The following KLHL1 variants were observed in gnomAD, a reference collection of about 807,000 sequenced individuals.
KLHL1 encodes kelch like family member 1, also known as kelch-like protein 1.
In KLHL1, 47 loss-of-function variants were observed where a neutral mutation model predicts 77.7. The observed-to-expected ratio is 0.60, with a 90% CI of 0.48 to 0.77. The LOEUF is 0.77. Ranked by LOEUF, KLHL1 falls within the 30% of genes least tolerant of loss-of-function variation. The probability of loss-of-function intolerance (pLI) is 0.00; values close to 1 mark genes in which losing one functional copy is unlikely to be tolerated. For synonymous variants in KLHL1, 360 were observed against 325.2 expected (o/e 1.11, Z -1.15); for missense variants, 925 against 910.8 (o/e 1.02, Z -0.20).
chr13:69,789,323 TAATA>T (rs1239326911), intron 7 of KLHL1, among the ~76,000 whole-genome samples: 2 of 149,278 alleles, frequency 1.3e-5, no homozygotes, highest in Non-Finnish European at 3.0e-5. Flanking sequence ...AAGTCTTATT[TAATA>T]AATTAAAAAT....
chr13:69,724,647 G>A (rs922958018), intron 8 of KLHL1, among the ~76,000 whole-genome samples: 1 of 151,950 alleles, frequency 6.6e-6, no homozygotes, highest in South Asian at 2.1e-4. Flanking sequence ...CATAAACCAT[G>A]ACCAAATAGA....
intron 5 of KLHL1, among the ~76,000 whole-genome samples, chr13:69,848,437 T>C (rs1417189428): frequency 6.6e-6 from 1 of 151,546 alleles, no homozygotes; most frequent in Non-Finnish European, 1.5e-5. Flanking sequence ...TTAAAGTCCC[T>C]TTTAGCTTCA....
intron 1 of KLHL1, among the ~76,000 whole-genome samples, chr13:70,056,721 C>T (rs1484233687): frequency 6.6e-6 from 1 of 151,890 alleles, no homozygotes; most frequent in Non-Finnish European, 1.5e-5. Context: ...TCCTGAATGA[C>T]CAATGGGTTA....
At chr13:69,976,002 T>A (rs1180619776) in intron 1 of KLHL1, among the ~76,000 whole-genome samples, 200 bp from the exon 2 acceptor site, 2 of 152,112 alleles carry the variant, frequency 1.3e-5, no homozygotes, top group Non-Finnish European at 2.9e-5. Flanking sequence ...CTCTAGGGAA[T>A]AATAAATAAA....
intron 5 of KLHL1, among the ~76,000 whole-genome samples, chr13:69,873,945 G>A (rs1460872013): frequency 6.6e-6 from 1 of 151,988 alleles, no homozygotes; most frequent in Non-Finnish European, 1.5e-5. Flanking sequence ...GAATATAGTA[G>A]GTGAAAATTC....
chr13:69,820,069 C>G (rs1285483204), intron 6 of KLHL1, among the ~76,000 whole-genome samples: 1 of 152,152 alleles, frequency 6.6e-6, no homozygotes. Context: ...AAGAGGGCTG[C>G]TCCTTCATGG....
At chr13:69,737,242 C>T (rs1873801272) in intron 8 of KLHL1, among the ~76,000 whole-genome samples, 1 of 152,246 alleles carries the variant, frequency 6.6e-6, no homozygotes, top group Non-Finnish European at 1.5e-5. Flanking sequence ...AAGCACAAAG[C>T]TGTGCAGACT....
intron 1 of KLHL1, among the ~76,000 whole-genome samples, chr13:70,033,321 T>A (rs61964236): frequency 3.3e-5 from 5 of 151,614 alleles, no homozygotes; most frequent in Non-Finnish European, 7.4e-5. Flanking sequence ...ACAGAGTCTC[T>A]CTCTGTCGCC....
chr13:69,708,764 A>G (rs929776545), intron 9 of KLHL1, among the ~76,000 whole-genome samples: 1 of 152,012 alleles, frequency 6.6e-6, no homozygotes, highest in Non-Finnish European at 1.5e-5. Flanking sequence ...CCACAATTGC[A>G]GGTTCAGATA....
intron 5 of KLHL1, among the ~76,000 whole-genome samples, chr13:69,842,133 A>T (rs1879286392): frequency 6.6e-6 from 1 of 151,888 alleles, no homozygotes; most frequent in Non-Finnish European, 1.5e-5. Context: ...AGAGTGGTCT[A>T]AGCAAAGGAT....
At chr13:69,774,797 T>C (rs1875747471) in intron 7 of KLHL1, among the ~76,000 whole-genome samples, 1 of 152,202 alleles carries the variant, frequency 6.6e-6, no homozygotes, top group Non-Finnish European at 1.5e-5. Flanking sequence ...ATCATTGAAC[T>C]GACTACCTAT....
At chr13:69,870,682 C>T (rs374584217) in intron 5 of KLHL1, among the ~76,000 whole-genome samples, 37 of 151,914 alleles carry the variant, frequency 2.4e-4, no homozygotes, top group South Asian at 2.1e-3. Context: ...ATGCAAGCAT[C>T]GGGTAAACAT....
chr13:69,724,639 T>C (rs975942562), intron 8 of KLHL1, among the ~76,000 whole-genome samples: 1 of 151,930 alleles, frequency 6.6e-6, no homozygotes, highest in African/African-American at 2.4e-5. Flanking sequence ...CAAGAGTACA[T>C]AAACCATGAC....
chr13:70,103,328 G>C (rs2137457274), intron 1 of KLHL1, among the ~76,000 whole-genome samples: 1 of 152,290 alleles, frequency 6.6e-6, no homozygotes, highest in African/African-American at 2.4e-5. Context: ...ACAAAGGACA[G>C]AGCATTCAGA....
intron 4 of KLHL1, among the ~76,000 whole-genome samples, chr13:69,929,717 A>T: frequency 6.6e-6 from 1 of 151,890 alleles, no homozygotes; most frequent in East Asian, 1.9e-4. Flanking sequence ...GTTGTAAAAT[A>T]ATTTCATTAT....
At chr13:70,035,679 A>G (rs1024296863) in intron 1 of KLHL1, among the ~76,000 whole-genome samples, 4 of 152,048 alleles carry the variant, frequency 2.6e-5, no homozygotes, top group African/African-American at 4.8e-5. Flanking sequence ...AGACTGAGGT[A>G]GTTTTGGTAA....
At chr13:69,862,217 A>C (rs1373621542) in intron 5 of KLHL1, among the ~76,000 whole-genome samples, 1 of 151,898 alleles carries the variant, frequency 6.6e-6, no homozygotes, top group Non-Finnish European at 1.5e-5. Flanking sequence ...AAAAATCTTG[A>C]GGTGGATAGA....
Position 69,764,929 on chromosome 13 carries a change from C to CTTTTTTT in KLHL1, c.1640-24380_1640-24374dup, listed in dbSNP as rs71196263. Reference sequence around the variant, plus strand: ...TCTCATGCTTTCATGTATATCTTTGCTTTTTTTTTTTTTTTTTTTTTTTTT... The same window carrying CTTTTTTT: ...TCTCATGCTTTCATGTATATCTTTGCTTTTTTTTTTTTTTTTTTTTTTTTTTTTTTTT... On this transcript the variant is annotated intron_variant, in intron 7 of 10. Coordinates refer to ENST00000377844, the MANE Select transcript of KLHL1 (RefSeq NM_020866.3). Among the ~76,000 whole-genome samples the CTTTTTTT allele has an allele frequency of 8.0e-3, 318 of 39,716 alleles. 132 individuals carry two copies. Among genetic ancestry groups the CTTTTTTT allele is most frequent in the East Asian group, 0.011 (9 of 798 alleles). 26.1% of individuals were successfully genotyped at this position (39,716 alleles called of 152,430 possible). A position where few individuals can be genotyped will look rare whatever the true frequency, so the allele number is the denominator to read the frequency against.
At chr13:69,956,333 G>T (rs1286792511) in intron 3 of KLHL1, among the ~76,000 whole-genome samples, 3 of 150,524 alleles carry the variant, frequency 2.0e-5, no homozygotes, top group Non-Finnish European at 4.5e-5. Flanking sequence ...GTACATAGTA[G>T]ACATACATAT....
Sources: allele counts gnomAD v4.1 joint callset (sites outside exome capture counted in the v4.1 genomes callset), GRCh38; gene constraint gnomAD v4.1.1; transcripts MANE v1.5; gene names NCBI Gene and HGNC (gene_info 2026-07-23, HGNC 2026-07-21).